The following MAP3K2 variants were observed in gnomAD, a reference collection of about 807,000 sequenced individuals.
MAP3K2 encodes MAP/ERK kinase kinase 2.
In MAP3K2, 24 loss-of-function variants were observed where a neutral mutation model predicts 80.3. That is an observed-to-expected ratio of 0.30 (90% CI 0.22 to 0.42). The LOEUF (loss-of-function observed/expected upper bound fraction) is 0.42. MAP3K2 is among the 10% of genes least tolerant of loss of function. The probability of loss-of-function intolerance (pLI) is 1.00; values close to 1 mark genes in which losing one functional copy is unlikely to be tolerated. For missense variants in MAP3K2, 608 were observed against 750.1 expected, an observed-to-expected ratio of 0.81 and a Z score of 2.21; for synonymous variants, 244 against 253.7, an observed-to-expected ratio of 0.96 and a Z score of 0.36.
intron 1 of MAP3K2, among the ~76,000 whole-genome samples, chr2:127,372,020 G>A (rs1330038816): frequency 6.6e-6 from 1 of 152,162 alleles, no homozygotes; most frequent in Non-Finnish European, 1.5e-5. Flanking sequence ...ACCACTGGGA[G>A]CGCAAGACTG....
chr2:127,369,131 T>C (rs1687019773), intron 1 of MAP3K2, among the ~76,000 whole-genome samples: 1 of 150,822 alleles, frequency 6.6e-6, no homozygotes, highest in Non-Finnish European at 1.5e-5. Flanking sequence ...TTTGCATTTT[T>C]AGTAAAGACA....
rs549296124 is a variant in MAP3K2, at chr2:127,308,096, C to CT, written c.1635-293dup. 1.1e-4 allele frequency among the ~76,000 whole-genome samples: 17 copies of CT among 151,872 alleles called. 1 individual carries two copies. In the East Asian group the frequency reaches 3.3e-3, roughly 29 times the overall value. On this transcript the variant is annotated intron_variant, in intron 16 of 16. Coordinates refer to ENST00000682094, the MANE Select transcript of MAP3K2 (RefSeq NM_001371910.2). Reference sequence around the variant, plus strand: ...ACCTGATTTTAAAAATAATTTTTGTCTTTATCTTACAAAGAATATAAGCAT... The same window carrying CT: ...ACCTGATTTTAAAAATAATTTTTGTCTTTTATCTTACAAAGAATATAAGCAT...
intron 9 of MAP3K2, among the ~76,000 whole-genome samples, chr2:127,324,867 C>T (rs982197579): frequency 1.5e-4 from 23 of 152,144 alleles, no homozygotes; most frequent in Admixed American, 1.5e-3. Flanking sequence ...GCACGTGTAA[C>T]AAAAAATTCA....
At chr2:127,382,596 G>A (rs567222467) in intron 1 of MAP3K2, among the ~76,000 whole-genome samples, 5 of 152,322 alleles carry the variant, frequency 3.3e-5, no homozygotes, top group Admixed American at 6.5e-5. Context: ...GCAGCAGCAC[G>A]ATCTTGGCTT....
chr2:127,339,030 A>G lies in MAP3K2; in HGVS notation c.25T>C (p.Ser9Pro). The G allele has an allele frequency of 6.2e-7, 1 of 1,610,554 alleles. No individual in the cohort carries two copies. Among genetic ancestry groups the G allele is most frequent in the Non-Finnish European group, 8.5e-7 (1 of 1,177,924 alleles). Reference sequence around the variant, plus strand: ...AGGACAGCCAAATCTTGCATGATTGAGTTCAAAGCTTGCTGATCATCTAGG... The same window carrying G: ...AGGACAGCCAAATCTTGCATGATTGGGTTCAAAGCTTGCTGATCATCTAGG... MDDQQALN[S>P]IMQDLAVLHK... Residue 9 changes from serine (S) to proline (P), a missense_variant, in exon 3 of 17, where the codon TCA becomes CCA. This residue lies in a region of MAP3K2 where 467 missense variants were observed against 521.9 expected (regional missense o/e 0.89). Transcript: ENST00000682094. The surrounding 1 kb of genome is among the most constrained non-coding windows in gnomAD (Gnocchi z 4.2).
chr2:127,368,474 T>A (rs1339446756), intron 1 of MAP3K2, among the ~76,000 whole-genome samples: 2 of 151,702 alleles, frequency 1.3e-5, no homozygotes, highest in African/African-American at 4.8e-5. Context: ...TACAAAAAAT[T>A]AGCCGGGTGT....
At chr2:127,372,250 TC>T (rs1367806328) in intron 1 of MAP3K2, among the ~76,000 whole-genome samples, 2 of 151,986 alleles carry the variant, frequency 1.3e-5, no homozygotes, top group Non-Finnish European at 2.9e-5. Flanking sequence ...GCATATTTCT[TC>T]CCCCGGGATC....
chr2:127,319,188 C>T (rs1195145105), intron 12 of MAP3K2, among the ~76,000 whole-genome samples: 2 of 150,766 alleles, frequency 1.3e-5, no homozygotes, highest in Non-Finnish European at 2.9e-5. Flanking sequence ...AACCCTGTCA[C>T]CCCTGCATTA....
At chr2:127,376,674 G>T (rs1285468212) in intron 1 of MAP3K2, among the ~76,000 whole-genome samples, 1 of 152,098 alleles carries the variant, frequency 6.6e-6, no homozygotes. Context: ...ATGAATACAT[G>T]GTATGAGCAA....
intron 8 of MAP3K2, among the ~76,000 whole-genome samples, chr2:127,326,390 T>C (rs1453059677): frequency 6.7e-6 from 1 of 149,974 alleles, no homozygotes; most frequent in Non-Finnish European, 1.5e-5. Flanking sequence ...TCATTCTATC[T>C]TTCAAATGTT....
chr2:127,372,000 C>A (rs1687073330), intron 1 of MAP3K2, among the ~76,000 whole-genome samples: 1 of 152,186 alleles, frequency 6.6e-6, no homozygotes, highest in Non-Finnish European at 1.5e-5. Flanking sequence ...TCCTCTCTCT[C>A]AGAGCAACCA....
At chr2:127,365,870 C>A (rs1360928094) in intron 1 of MAP3K2, among the ~76,000 whole-genome samples, 1 of 152,198 alleles carries the variant, frequency 6.6e-6, no homozygotes, top group Admixed American at 6.5e-5. Context: ...CTATTCCTTT[C>A]CTAAATCCCT....
intron 9 of MAP3K2, among the ~76,000 whole-genome samples, chr2:127,324,507 C>T (rs957745918): frequency 6.6e-5 from 10 of 152,168 alleles, no homozygotes; most frequent in African/African-American, 2.4e-4. Flanking sequence ...CACTGTGTTT[C>T]AATCCAAGCT....
chr2:127,345,809 C>A (rs1686586064), intron 1 of MAP3K2, among the ~76,000 whole-genome samples: 1 of 151,986 alleles, frequency 6.6e-6, no homozygotes, highest in East Asian at 1.9e-4. Flanking sequence ...TTAGAAAATA[C>A]TTTGAGATAA....
intron 15 of MAP3K2, among the ~76,000 whole-genome samples, chr2:127,314,302 CA>C (rs1228320655): frequency 2.6e-5 from 4 of 152,150 alleles, no homozygotes; most frequent in Non-Finnish European, 5.9e-5. Flanking sequence ...ATATTGCATG[CA>C]TTAACTCATT....
intron 12 of MAP3K2, 144 bp from the exon 13 acceptor site, chr2:127,318,461 G>T: frequency 1.8e-6 from 1 of 566,380 alleles, no homozygotes; most frequent in Non-Finnish European, 2.7e-6. Context: ...CAAATTCACA[G>T]TTACCGTCTT....
chr2:127,367,426 T>C (rs1686990986), intron 1 of MAP3K2, among the ~76,000 whole-genome samples: 1 of 152,246 alleles, frequency 6.6e-6, no homozygotes, highest in African/African-American at 2.4e-5. Context: ...ATAATGTTGA[T>C]CTATCTCTCC....
At chr2:127,356,277 C>T (rs111547975) in intron 1 of MAP3K2, among the ~76,000 whole-genome samples, 1 of 152,038 alleles carries the variant, frequency 6.6e-6, no homozygotes, top group African/African-American at 2.4e-5. Context: ...TACTTTGATC[C>T]GATTGATCAG....
chr2:127,349,521 C>CCTCAGTGGTTAGGA (rs1235004451), intron 1 of MAP3K2, among the ~76,000 whole-genome samples: 1 of 152,012 alleles, frequency 6.6e-6, no homozygotes, highest in Non-Finnish European at 1.5e-5. Flanking sequence ...CACTGTATTA[C>CCTCAGTGGTTAGGA]CTCAGTTTTT....
Sources: gnomAD v4.1 joint callset for allele counts (sites outside exome capture counted in the v4.1 genomes callset) on GRCh38, gnomAD v4.1.1 for gene constraint, gnomAD v4.1.1 regional missense constraint, Gnocchi (gnomAD v3.1) non-coding constraint, MANE v1.5 for transcripts, NCBI Gene and HGNC (gene_info 2026-07-23, HGNC 2026-07-21) for gene names.